Variants in MICALL2 observed in about 807,000 individuals in gnomAD.
MICALL2 encodes MICAL like 2, also known as MICAL-like protein 2.
MICALL2 carries 111 observed loss-of-function variants against 91.1 expected under a neutral mutation model. The observed-to-expected ratio is 1.22, with a 90% CI of 1.04 to 1.43. MICALL2 has a LOEUF of 1.43. Ranked by LOEUF, MICALL2 falls within the 40% of genes most tolerant of loss-of-function variation. The probability of loss-of-function intolerance (pLI) is 0.00; values close to 1 mark genes in which losing one functional copy is unlikely to be tolerated. For synonymous variants in MICALL2, 694 were observed against 525.3 expected (o/e 1.32, Z -4.39); for missense variants, 1,556 against 1,236.0 (o/e 1.26, Z -3.88).
chr7:1,454,375 G>A (rs1368453415), intron 1 of MICALL2, among the ~76,000 whole-genome samples: 1 of 151,970 alleles, frequency 6.6e-6, no homozygotes, highest in African/African-American at 2.4e-5. Context: ...TGGCACAGTC[G>A]GGATGGCAGA....
intron 1 of MICALL2, among the ~76,000 whole-genome samples, chr7:1,457,323 C>A (rs1278789944): frequency 2.0e-5 from 3 of 152,232 alleles, no homozygotes; most frequent in African/African-American, 7.2e-5. Flanking sequence ...AGCTGACAGT[C>A]CAGTGGGGAC....
At chr7:1,457,432 C>A (rs1781060194) in intron 1 of MICALL2, among the ~76,000 whole-genome samples, 1 of 152,222 alleles carries the variant, frequency 6.6e-6, no homozygotes, top group African/African-American at 2.4e-5. Context: ...CTGGCCTCTG[C>A]ACTCTCTGGA....
At position 1,452,661 on chromosome 7, in the gene MICALL2, C is replaced by T. The variant is rs1408479956; in HGVS notation, c.144-2373G>A. Among the ~76,000 whole-genome samples the T allele has an allele frequency of 5.9e-5, 9 of 152,126 alleles. No homozygotes were observed. Among genetic ancestry groups the T allele is most frequent in the Admixed American group, 6.5e-5 (1 of 15,278 alleles). On this transcript the variant is annotated intron_variant, in intron 1 of 16. Transcript: ENST00000297508. The surrounding 1 kb of genome is among the most constrained non-coding windows in gnomAD (Gnocchi z 6.2). ...TGTCCAGTGGGTTTCCCTGCAGGGC[C>T]ATCTCACCCCCAGACCCACAGTCAG...
At chr7:1,434,943 T>C (rs1488117773) in intron 16 of MICALL2, 158 bp downstream of exon 16, 5 of 850,670 alleles carry the variant, frequency 5.9e-6, no homozygotes, top group Non-Finnish European at 9.3e-6. Context: ...AGGGTGAACC[T>C]GCCTGTCCTG....
intron 15 of MICALL2, 65 bp downstream of exon 15, chr7:1,436,677 G>A (rs879542808): frequency 1.3e-5 from 17 of 1,265,186 alleles, no homozygotes; most frequent in Non-Finnish European, 1.9e-5. Context: ...CTGACCCTGA[G>A]GGCCGGGAGC....
intron 1 of MICALL2, among the ~76,000 whole-genome samples, chr7:1,458,743 C>G (rs977317635): frequency 5.9e-5 from 9 of 152,246 alleles, no homozygotes; most frequent in African/African-American, 2.2e-4. Flanking sequence ...CGCTCCCCCA[C>G]AGTGGCCCTG....
chr7:1,442,409 C>A lies in MICALL2; in HGVS notation c.1494G>T (p.Lys498Asn). 1 of 1,595,490 alleles carries A rather than the reference C, an allele frequency of 6.3e-7. No individual in the cohort carries two copies. Among genetic ancestry groups the A allele is most frequent in the Non-Finnish European group, 8.5e-7 (1 of 1,169,840 alleles). ...CCCGGGGAGACGAGGACTGTAACGG[C>A]TTGGCTAAGGGACTTGCTTGTGGTG... is the stretch of plus-strand genomic sequence containing the variant. The part of the protein sequence containing the change: ...TEAPQASPLA[K>N]PLQSSSPRVL... Residue 498 changes from lysine to asparagine, a missense_variant, in exon 7 of 17, where the codon AAG (lysine) becomes AAT (asparagine). Transcript: ENST00000297508.
At chr7:1,449,433 C>T (rs1250627335) in intron 2 of MICALL2, among the ~76,000 whole-genome samples, 4 of 152,254 alleles carry the variant, frequency 2.6e-5, no homozygotes, top group Admixed American at 6.5e-5. Flanking sequence ...CCTCAGCCTC[C>T]TGAATAGCTG....
chr7:1,456,891 C>T (rs1781038901), intron 1 of MICALL2, among the ~76,000 whole-genome samples: 1 of 152,230 alleles, frequency 6.6e-6, no homozygotes, highest in African/African-American at 2.4e-5. Context: ...GGCCCCCACG[C>T]CCCAACACCC....
rs1264508622 is a variant in MICALL2, at chr7:1,452,081, C to G, written c.144-1793G>C. On this transcript the variant is annotated intron_variant, in intron 1 of 16. Coordinates refer to ENST00000297508, the MANE Select transcript of MICALL2 (RefSeq NM_182924.4). This position sits in a 1 kb window ranked among gnomAD's most constrained non-coding sequence, Gnocchi z 6.2. ...TGCCGTCCATCAATCTGCTGGGATC[C>G]TTGGGAACCCTCCACCGTTTCCAGC... Among the ~76,000 whole-genome samples the G allele has an allele frequency of 6.6e-6, 1 of 152,182 alleles. No homozygotes were observed. The highest frequency in any genetic ancestry group is 6.5e-5 in the Admixed American group (1 of 15,288).
In MICALL2 at chr7:1,440,092, A is replaced by C; in HGVS notation, c.1806-7T>G. 1 of 1,585,654 alleles carries C rather than the reference A, an allele frequency of 6.3e-7. No homozygotes were observed. Among genetic ancestry groups the C allele is most frequent in the Non-Finnish European group, 8.5e-7 (1 of 1,172,264 alleles). ...TTCCTTGGGCTTCAGAGTCCTGGGC[A>C]GAAGGCATGAGGTCGGAACCCGAAC... On this transcript the variant is annotated splice_region_variant and splice_polypyrimidine_tract_variant and intron_variant, in intron 8 of 16. Coordinates refer to ENST00000297508, the MANE Select transcript of MICALL2 (RefSeq NM_182924.4).
chr7:1,438,459 A>C, intron 10 of MICALL2, 106 bp from the exon 11 acceptor site: 1 of 1,501,540 alleles, frequency 6.7e-7, no homozygotes, highest in Non-Finnish European at 8.9e-7. Flanking sequence ...AGCTGGCCCC[A>C]GCCCTGCCTC....
In MICALL2 at chr7:1,444,773, A is replaced by G; in HGVS notation, c.1297T>C (p.Ser433Pro). Residue 433 changes from serine to proline, a missense_variant, in exon 6 of 17, where the codon TCT becomes CCT. Coordinates refer to ENST00000297508, the MANE Select transcript of MICALL2 (RefSeq NM_182924.4). ...AGTGACGGGGTGGGACCTCTGCCAG[A>G]AAGGCTGGTGCCGGGGGGCACTGCT... Reference protein sequence around the residue: ...TSAVPPGTSLSGRGPTPSLVL... With the variant: ...TSAVPPGTSLPGRGPTPSLVL... The G allele has an allele frequency of 6.2e-7, 1 of 1,612,110 alleles. No individual in the cohort carries two copies. Among genetic ancestry groups the G allele is most frequent in the South Asian group, 1.1e-5 (1 of 91,074 alleles).
intron 15 of MICALL2, among the ~76,000 whole-genome samples, chr7:1,435,354 C>A (rs1175803355): frequency 6.6e-6 from 1 of 152,130 alleles, no homozygotes; most frequent in Non-Finnish European, 1.5e-5. Context: ...AGCCCCTCAA[C>A]AGTGACATGG....
chr7:1,444,226 G>A (rs1230365449), intron 6 of MICALL2, among the ~76,000 whole-genome samples: 2 of 115,970 alleles, frequency 1.7e-5, no homozygotes, highest in East Asian at 2.4e-4. Flanking sequence ...CTGTCCCCGC[G>A]TCCACTCAGA....
intron 5 of MICALL2, 41 bp from the exon 6 acceptor site, chr7:1,445,469 C>T: frequency 2.8e-6 from 4 of 1,446,402 alleles, no homozygotes; most frequent in Non-Finnish European, 3.6e-6. Flanking sequence ...TCGGCACCGC[C>T]CACCCCGCCA....
chr7:1,448,878 A>T, intron 2 of MICALL2, 117 bp from the exon 3 acceptor site: 2 of 1,284,958 alleles, frequency 1.6e-6, no homozygotes, highest in Non-Finnish European at 2.2e-6. Context: ...CGTGGGTTGG[A>T]GGCCGGAGCT....
chr7:1,449,519 G>C (rs1049527991), intron 2 of MICALL2, among the ~76,000 whole-genome samples: 1 of 152,222 alleles, frequency 6.6e-6, no homozygotes, highest in Non-Finnish European at 1.5e-5. Context: ...CCATGAACTT[G>C]TAATTTTAGT....
rs1302824446 is a variant in MICALL2 at position 1,451,913 on chromosome 7, C to G, written c.144-1625G>C. Among the ~76,000 whole-genome samples the G allele has an allele frequency of 6.6e-6, 1 of 152,232 alleles. No individual in the cohort carries two copies. Among genetic ancestry groups the G allele is most frequent in the Non-Finnish European group, 1.5e-5 (1 of 68,040 alleles). On this transcript the variant is annotated intron_variant, in intron 1 of 16. Transcript: ENST00000297508. The surrounding 1 kb of genome is among the most constrained non-coding windows in gnomAD (Gnocchi z 4.5). ...CCATAAGAATGCTCCGAGGCCCGGA[C>G]AGTGAGCCCATTTCACCTGTTTCAC...
Sources: gnomAD v4.1 joint callset for allele counts (sites outside exome capture counted in the v4.1 genomes callset) on GRCh38, gnomAD v4.1.1 for gene constraint, Gnocchi (gnomAD v3.1) non-coding constraint, MANE v1.5 for transcripts, NCBI Gene and HGNC (gene_info 2026-07-23, HGNC 2026-07-21) for gene names.